Variants in KCNMB2 observed in about 807,000 individuals in gnomAD.
KCNMB2 encodes the protein potassium calcium-activated channel subfamily M regulatory beta subunit 2.
In KCNMB2, 9 loss-of-function variants were observed where a neutral mutation model predicts 24.5. That is an observed-to-expected ratio of 0.37 (90% CI 0.22 to 0.64). The LOEUF (loss-of-function observed/expected upper bound fraction) is 0.64, where lower values mean the gene tolerates loss of function less well. Ranked by LOEUF, KCNMB2 falls within the 30% of genes least tolerant of loss-of-function variation. KCNMB2 has a pLI of 0.63. For synonymous variants in KCNMB2, 109 were observed against 104.4 expected (o/e 1.04, Z -0.27); for missense variants, 226 against 284.3 (o/e 0.79, Z 1.47).
Position 178,758,103 on chromosome 3 carries a change from T to C in KCNMB2, c.-67-49240T>C, listed in dbSNP as rs529463133. On this transcript the variant is annotated intron_variant, in intron 1 of 4. Transcript: ENST00000452583. ...ATATACACAAGAGGATATATATATA[T>C]ACACACAAGAGGATATATATATGTA... Among the ~76,000 whole-genome samples, 59 of 102,760 alleles carry C rather than the reference T, an allele frequency of 5.7e-4. 4 individuals carry two copies. The highest frequency in any genetic ancestry group is 1.1e-3 in the Non-Finnish European group (54 of 51,346). 67.4% of individuals were successfully genotyped at this position (102,760 alleles called of 152,430 possible).
intron 1 of KCNMB2, among the ~76,000 whole-genome samples, chr3:178,777,146 GA>G (rs748865385): frequency 6.6e-6 from 1 of 152,102 alleles, no homozygotes; most frequent in Non-Finnish European, 1.5e-5. Context: ...TTACAGTAAA[GA>G]AATGTTGGCC....
intron 1 of KCNMB2, among the ~76,000 whole-genome samples, chr3:178,611,274 C>A (rs1560129996): frequency 1.3e-5 from 2 of 152,154 alleles, no homozygotes; most frequent in Non-Finnish European, 2.9e-5. Flanking sequence ...TCATAGTAGC[C>A]ACTAGTAATC....
intron 1 of KCNMB2, among the ~76,000 whole-genome samples, chr3:178,616,997 G>A (rs1036735552): frequency 2.0e-5 from 3 of 152,084 alleles, no homozygotes; most frequent in African/African-American, 7.2e-5. Flanking sequence ...CTATCTCACT[G>A]GGGAAATGTG....
At chr3:178,623,840 T>C (rs547144731) in intron 1 of KCNMB2, among the ~76,000 whole-genome samples, 1 of 152,274 alleles carries the variant, frequency 6.6e-6, no homozygotes, top group East Asian at 1.9e-4. Context: ...CTATTCATGA[T>C]GTCAGGGGTA....
chr3:178,573,009 A>G (rs1308682883), intron 1 of KCNMB2, among the ~76,000 whole-genome samples: 2 of 152,098 alleles, frequency 1.3e-5, no homozygotes, highest in Non-Finnish European at 2.9e-5. Flanking sequence ...ATGTAAATAC[A>G]TTTGAGGAAG....
Position 178,759,375 on chromosome 3 carries a change from ATATATATATATATATC to A in KCNMB2, c.-67-47966_-67-47951del, listed in dbSNP as rs1711584197. 3.3e-4 allele frequency among the ~76,000 whole-genome samples: 12 copies of A among 36,760 alleles called. 2 individuals carry two copies. Among genetic ancestry groups the A allele is most frequent in the Non-Finnish European group, 4.9e-4 (11 of 22,588 alleles). 24.1% of individuals were successfully genotyped at this position (36,760 alleles called of 152,430 possible). A position where few individuals can be genotyped will look rare whatever the true frequency, so the allele number is the denominator to read the frequency against. On this transcript the variant is annotated intron_variant, in intron 1 of 4. Coordinates refer to ENST00000452583, the MANE Select transcript of KCNMB2 (RefSeq NM_181361.3). ...TATATATATATATCTCCAAGAGGAT[ATATATATATATATATC>A]TCTCCAAGAGGATATATATATATAT... is the stretch of plus-strand genomic sequence containing the variant.
rs1475364857 is a variant in KCNMB2, at chr3:178,842,878, G to T, written c.649G>T (p.Val217Leu). ...TGGGGGTGTGGCAATTGTTGCCATG[G>T]TGAAACTTACACAGTACCTCTCCCT... The part of the protein sequence containing the change: ...MAGGVAIVAM[V>L]KLTQYLSLLC... Residue 217 changes from valine (V) to leucine (L), a missense_variant, in exon 5 of 5, where the codon GTG (valine) becomes TTG (leucine). Physicochemically the swap from Val to Leu is conservative, Grantham distance 32. Transcript: ENST00000452583. 1.2e-6 allele frequency: 2 copies of T among 1,613,862 alleles called. No homozygotes were observed. Among genetic ancestry groups the T allele is most frequent in the African/African-American group, 2.7e-5 (2 of 74,900 alleles).
At chr3:178,698,597 T>C (rs1721968512) in intron 1 of KCNMB2, among the ~76,000 whole-genome samples, 3 of 152,348 alleles carry the variant, frequency 2.0e-5, no homozygotes, top group African/African-American at 4.8e-5. Context: ...CCTATCTATA[T>C]ACCGAATTCT....
intron 1 of KCNMB2, among the ~76,000 whole-genome samples, chr3:178,630,576 G>A (rs1325800273): frequency 6.6e-6 from 1 of 152,214 alleles, no homozygotes; most frequent in African/African-American, 2.4e-5. Context: ...GAAAATGGTT[G>A]TGCCAGTTTC....
At chr3:178,773,100 G>A (rs1001293123) in intron 1 of KCNMB2, among the ~76,000 whole-genome samples, 2 of 152,120 alleles carry the variant, frequency 1.3e-5, no homozygotes, top group Non-Finnish European at 2.9e-5. Context: ...ATGGACGAGG[G>A]CATTCTGGGG....
intron 1 of KCNMB2, among the ~76,000 whole-genome samples, chr3:178,537,092 T>C (rs907839064): frequency 2.0e-5 from 3 of 152,060 alleles, no homozygotes; most frequent in Admixed American, 6.6e-5. Flanking sequence ...CCAAGAAAAA[T>C]AAAGAGGAAG....
At chr3:178,762,487 C>CAA (rs1194566446) in intron 1 of KCNMB2, among the ~76,000 whole-genome samples, 1 of 152,074 alleles carries the variant, frequency 6.6e-6, no homozygotes, top group Non-Finnish European at 1.5e-5. Flanking sequence ...ATTTCAAGAG[C>CAA]AATGGAAAAC....
intron 1 of KCNMB2, among the ~76,000 whole-genome samples, chr3:178,764,439 G>C (rs1417694292): frequency 7.9e-5 from 12 of 152,050 alleles, no homozygotes; most frequent in Admixed American, 7.9e-4. Flanking sequence ...CCATTGTGTT[G>C]CAATTGCCTA....
Position 178,544,193 on chromosome 3 carries a change from A to C in KCNMB2, c.-68+7482A>C, listed in dbSNP as rs1390185039. Reference sequence around the variant, plus strand: ...GTCAAAAAAATCATACACCTCAGAAATACAGTGCTGCAGGGAATTATTTTA... The same window carrying C: ...GTCAAAAAAATCATACACCTCAGAACTACAGTGCTGCAGGGAATTATTTTA... On this transcript the variant is annotated intron_variant, in intron 1 of 4. Transcript: ENST00000452583. Among the ~76,000 whole-genome samples the C allele has an allele frequency of 3.3e-5, 5 of 152,208 alleles. No homozygotes were observed. The East Asian group carries it at 9.6e-4, about 29-fold the overall frequency.
chr3:178,660,019 G>A (rs1451970222), intron 1 of KCNMB2, among the ~76,000 whole-genome samples: 2 of 152,212 alleles, frequency 1.3e-5, no homozygotes, highest in South Asian at 2.1e-4. Context: ...TGAGCCCTGA[G>A]TGCTAGTCTC....
At chr3:178,692,795 A>G (rs1034167616) in intron 1 of KCNMB2, among the ~76,000 whole-genome samples, 7 of 152,198 alleles carry the variant, frequency 4.6e-5, no homozygotes, top group African/African-American at 7.2e-5. Flanking sequence ...GAATCTCAAC[A>G]GTAGTTTAAT....
chr3:178,691,107 C>CTGTTTTTTTTTTTTTTTT (rs1721657657), intron 1 of KCNMB2, among the ~76,000 whole-genome samples: 1 of 79,688 alleles, frequency 1.3e-5, no homozygotes. Context: ...CCCATTAAGT[C>CTGTTTTTTTTTTTTTTTT]TTTTTTTTTT....
At chr3:178,580,341 C>T (rs1410990379) in intron 1 of KCNMB2, among the ~76,000 whole-genome samples, 2 of 152,124 alleles carry the variant, frequency 1.3e-5, no homozygotes, top group African/African-American at 4.8e-5. Context: ...GCTAAAAACT[C>T]AATAAACTAG....
At chr3:178,727,641 A>G (rs1421930752) in intron 1 of KCNMB2, among the ~76,000 whole-genome samples, 2 of 152,120 alleles carry the variant, frequency 1.3e-5, no homozygotes, top group Non-Finnish European at 2.9e-5. Flanking sequence ...TTGAAGATGG[A>G]GGAAGGGAGT....
Sources: gnomAD v4.1 joint callset for allele counts (sites outside exome capture counted in the v4.1 genomes callset) on GRCh38, gnomAD v4.1.1 for gene constraint, MANE v1.5 for transcripts, NCBI Gene and HGNC (gene_info 2026-07-23, HGNC 2026-07-21) for gene names.